The following MYLK variants were observed in gnomAD, a reference collection of about 807,000 sequenced individuals.
MYLK encodes myosin light chain kinase, smooth muscle.
A neutral mutation model predicts 203.4 loss-of-function variants in MYLK; 106 were observed. The ratio of observed to expected loss-of-function variants is 0.52; its 90% CI spans 0.45 to 0.61. The LOEUF is 0.61. Among genes scored for constraint, MYLK ranks in the 20% least tolerant of loss-of-function variants. The pLI, the probability that MYLK is intolerant of heterozygous loss-of-function variation, is 0.00. For synonymous variants in MYLK, 867 were observed against 959.5 expected (o/e 0.90, Z 1.78); for missense variants, 2,072 against 2,442.3 (o/e 0.85, Z 3.20).
At position 123,734,430 on chromosome 3, in the gene MYLK, G is replaced by A. The variant is rs1576783370; in HGVS notation, c.774-208C>T. On this transcript the variant is annotated intron_variant, in intron 9 of 33. Coordinates refer to ENST00000360304, the MANE Select transcript of MYLK (RefSeq NM_053025.4). Reference sequence around the variant, plus strand: ...AAGCAGCCATTCCCGACACTTGCCTGTCCCACAACCCTGCCCAGAGCCCTG... The same window carrying A: ...AAGCAGCCATTCCCGACACTTGCCTATCCCACAACCCTGCCCAGAGCCCTG... 45 of 530,712 alleles carry A rather than the reference G, an allele frequency of 8.5e-5. No individual in the cohort carries two copies. The East Asian group carries it at 1.3e-3, about 16-fold the overall frequency. 32.9% of individuals were successfully genotyped at this position (530,712 alleles called of 1,614,324 possible).
At chr3:123,773,108 CAT>C (rs375441247) in intron 4 of MYLK, among the ~76,000 whole-genome samples, 164 of 152,142 alleles carry the variant, frequency 1.1e-3, no homozygotes, top group African/African-American at 2.8e-3. Context: ...ATATCAAAAA[CAT>C]AGTCTATTTG....
chr3:123,640,024 T>C lies in MYLK; in HGVS notation c.4837+263A>G, dbSNP rs950518946. ...AGTCTTACTATGTGCAAAGCACTCT[T>C]CCCATCCCTTTACCTATATTAACAC... On this transcript the variant is annotated intron_variant, in intron 28 of 33. Transcript: ENST00000360304. The surrounding 1 kb of genome is among the most constrained non-coding windows in gnomAD (Gnocchi z 4.3). 5.9e-5 allele frequency among the ~76,000 whole-genome samples: 9 copies of C among 152,126 alleles called. No individual in the cohort carries two copies. Among genetic ancestry groups the C allele is most frequent in the African/African-American group, 2.2e-4 (9 of 41,396 alleles).
At position 123,732,952 on chromosome 3, in the gene MYLK, C is replaced by T. The variant is rs567572452; in HGVS notation, c.1460G>A (p.Cys487Tyr). The change falls in exon 11 of 34, where the codon TGC (cysteine) becomes TAC (tyrosine). Residue 487 changes from cysteine to tyrosine, a missense_variant. This residue lies in a region of MYLK where 683 missense variants were observed against 643.8 expected (regional missense o/e 1.06). Coordinates refer to ENST00000360304, the MANE Select transcript of MYLK (RefSeq NM_053025.4). ...ARTRDSGTYS[C>Y]TASNAQGQLS... The stretch of plus-strand genomic sequence containing the variant: ...CTGGCCTTGGGCGTTGGAAGCAGTG[C>T]AGCTGTATGTCCCACTGTCCCTGGT... 39 of 1,614,192 alleles carry T rather than the reference C, an allele frequency of 2.4e-5. No homozygotes were observed. The South Asian group carries it at 4.0e-4, about 16-fold the overall frequency.
intron 19 of MYLK, among the ~76,000 whole-genome samples, chr3:123,688,408 C>G (rs1023973812): frequency 6.6e-6 from 1 of 152,068 alleles, no homozygotes; most frequent in African/African-American, 2.4e-5. Flanking sequence ...TCTCTCCATA[C>G]CCAGCTCACC....
intron 2 of MYLK, among the ~76,000 whole-genome samples, chr3:123,867,953 C>T (rs898604299): frequency 2.6e-5 from 4 of 152,204 alleles, no homozygotes; most frequent in Admixed American, 1.3e-4. Flanking sequence ...GTTGAGAGGT[C>T]AGCCATTCCT....
chr3:123,856,018 T>C (rs2031337979), intron 2 of MYLK, among the ~76,000 whole-genome samples: 4 of 152,206 alleles, frequency 2.6e-5, no homozygotes, highest in Admixed American at 2.6e-4. Flanking sequence ...TACTGCAATT[T>C]GTTTATATCT....
chr3:123,737,495 T>A lies in MYLK; in HGVS notation c.637A>T (p.Asn213Tyr). Residue 213 changes from asparagine to tyrosine, a missense_variant, in exon 8 of 34, where the codon AAC (asparagine) becomes TAC (tyrosine). This residue lies in a region of MYLK where 683 missense variants were observed against 643.8 expected (regional missense o/e 1.06). Transcript: ENST00000360304. Reference protein sequence around the residue: ...PSARVSVSEKNGMQVLEIHGV... With the variant: ...PSARVSVSEKYGMQVLEIHGV... ...TGGATTTCCAGAACCTGCATGCCGT[T>A]CTTCTCAGACACAGACACACGGGCA... 1 of 1,614,182 alleles carries A rather than the reference T, an allele frequency of 6.2e-7. No individual in the cohort carries two copies. Among genetic ancestry groups the A allele is most frequent in the Non-Finnish European group, 8.5e-7 (1 of 1,180,030 alleles).
At chr3:123,653,512 C>G (rs914391161) in intron 24 of MYLK, among the ~76,000 whole-genome samples, 12 of 152,184 alleles carry the variant, frequency 7.9e-5, no homozygotes, top group Non-Finnish European at 1.5e-4. Context: ...GACTGGACTC[C>G]TCCTCTGGAT....
chr3:123,638,035 G>T lies in MYLK; in HGVS notation c.4961+36C>A, dbSNP rs369953561. On this transcript the variant is annotated intron_variant, in intron 29 of 33. Coordinates refer to ENST00000360304, the MANE Select transcript of MYLK (RefSeq NM_053025.4). ...CAGCCCCCACCCACTGGTCCACCAAGTGGTCCACCAGTCCACCAAGTGCCC... is the reference window on the plus strand; with the variant it reads ...CAGCCCCCACCCACTGGTCCACCAATTGGTCCACCAGTCCACCAAGTGCCC... 70 of 1,612,738 alleles carry T rather than the reference G, an allele frequency of 4.3e-5. No homozygotes were observed. The African/African-American group carries it at 7.2e-4, about 17-fold the overall frequency.
chr3:123,679,128 G>A (rs561956597), intron 20 of MYLK, among the ~76,000 whole-genome samples: 24 of 152,148 alleles, frequency 1.6e-4, no homozygotes, highest in Non-Finnish European at 2.6e-4. Flanking sequence ...CCCACATGGC[G>A]AAACCCCATC....
At position 123,735,018 on chromosome 3, in the gene MYLK, C is replaced by T. The variant is rs562888941; in HGVS notation, c.773+380G>A. ...CCCCTGCACATCCAGCATCTAGCGC[C>T]GAGCCTCACACACAGGAAAGAGGCT... On this transcript the variant is annotated intron_variant, in intron 9 of 33. Coordinates refer to ENST00000360304, the MANE Select transcript of MYLK (RefSeq NM_053025.4). 7.0e-5 allele frequency: 24 copies of T among 341,560 alleles called. 1 individual carries two copies. Among genetic ancestry groups the T allele is most frequent in the East Asian group, 6.4e-4 (9 of 14,084 alleles). The allele number at this position is 341,560 out of a possible 1,614,324, so 21.2% of individuals were successfully genotyped here.
chr3:123,877,149 ACAGT>A (rs2033201972), intron 1 of MYLK, among the ~76,000 whole-genome samples: 2 of 152,208 alleles, frequency 1.3e-5, no homozygotes, highest in South Asian at 4.1e-4. Context: ...ACTCACAGTC[ACAGT>A]CAGAGACACA....
chr3:123,739,952 C>G lies in MYLK; in HGVS notation c.422+1G>C. The G allele has an allele frequency of 6.2e-7, 1 of 1,613,934 alleles. No individual in the cohort carries two copies. The highest frequency in any genetic ancestry group is 8.5e-7 in the Non-Finnish European group (1 of 1,179,832). ...CTCTGTCTTGAACATCCAGGACTTA[C>G]CCTAAGGTTTTGGAAACAACAGGCT... On this transcript the variant is annotated splice_donor_variant, in intron 6 of 33. Transcript: ENST00000360304. LOFTEE classifies it high-confidence loss of function.
chr3:123,617,986 A>G (rs893413508), intron 33 of MYLK: 2 of 153,104 alleles, frequency 1.3e-5, no homozygotes, highest in African/African-American at 4.8e-5. Flanking sequence ...CTGGCTCCCA[A>G]CTGGCCTCAG....
intron 20 of MYLK, among the ~76,000 whole-genome samples, chr3:123,671,082 A>C (rs2059900167): frequency 6.6e-6 from 1 of 152,276 alleles, no homozygotes; most frequent in African/African-American, 2.4e-5. Context: ...AGAAGATGCA[A>C]ATGAGAGGCA....
At chr3:123,775,687 A>C (rs1235283389) in intron 4 of MYLK, among the ~76,000 whole-genome samples, 1 of 152,242 alleles carries the variant, frequency 6.6e-6, no homozygotes, top group Non-Finnish European at 1.5e-5. Flanking sequence ...GGACCATGAT[A>C]TGCAGAGAAG....
At chr3:123,680,220 C>T (rs1405637243) in intron 20 of MYLK, among the ~76,000 whole-genome samples, 4 of 152,166 alleles carry the variant, frequency 2.6e-5, no homozygotes, top group Admixed American at 6.5e-5. Context: ...CTCTGCTCAT[C>T]ATCTCAAGCT....
chr3:123,670,206 G>A (rs1253550212), intron 20 of MYLK, among the ~76,000 whole-genome samples: 1 of 152,118 alleles, frequency 6.6e-6, no homozygotes, highest in Non-Finnish European at 1.5e-5. Context: ...ATGTTATTCA[G>A]TCAACGTGAT....
chr3:123,649,165 C>T lies in MYLK; in HGVS notation c.4318G>A (p.Asp1440Asn), dbSNP rs1274079650. The change falls in exon 25 of 34, where the codon GAT (aspartate) becomes AAT (asparagine). Residue 1440 changes from aspartate to asparagine, a missense_variant. Transcript: ENST00000360304. ...CGAAGACAGGGGCTGCACTCACCAT[C>T]ATCTGACACCTCCACTTCATCCTTC... The part of the protein sequence containing the change: ...EPKDEVEVSD[D>N]DEKEPEVDYR... 4 of 1,613,442 alleles carry T rather than the reference C, an allele frequency of 2.5e-6. No individual in the cohort carries two copies. The highest frequency in any genetic ancestry group is 1.7e-5 in the Admixed American group (1 of 59,988).
Sources: gnomAD v4.1 joint callset for allele counts (sites outside exome capture counted in the v4.1 genomes callset) on GRCh38, gnomAD v4.1.1 for gene constraint, gnomAD v4.1.1 regional missense constraint, Gnocchi (gnomAD v3.1) non-coding constraint, MANE v1.5 for transcripts, NCBI Gene and HGNC (gene_info 2026-07-23, HGNC 2026-07-21) for gene names.